Variants in SIDT1 observed in about 807,000 individuals in gnomAD.
SIDT1 encodes the protein SID1 transmembrane family, member 1.
SIDT1 carries 101 observed loss-of-function variants against 107.5 expected under a neutral mutation model. The ratio of observed to expected loss-of-function variants is 0.94; its 90% confidence interval spans 0.80 to 1.11. The LOEUF is 1.11. SIDT1 is among the 50% of genes least tolerant of loss of function. The pLI, the probability that SIDT1 is intolerant of heterozygous loss-of-function variation, is 0.00. For missense variants in SIDT1, 1,076 were observed against 1,058.2 expected, an observed-to-expected ratio of 1.02 and a Z score of -0.23; for synonymous variants, 395 against 398.2, an observed-to-expected ratio of 0.99 and a Z score of 0.10.
At chr3:113,593,199 C>G (rs1576886526) in intron 10 of SIDT1, 151 bp downstream of exon 10, 2 of 744,410 alleles carry the variant, frequency 2.7e-6, no homozygotes, top group East Asian at 5.3e-5. Flanking sequence ...AGTTGGAAAG[C>G]AAAGCTAGTG....
chr3:113,566,668 G>A (rs1000339519), intron 2 of SIDT1, 127 bp downstream of exon 2: 12 of 1,054,764 alleles, frequency 1.1e-5, no homozygotes, highest in East Asian at 7.3e-5. Context: ...TTCTGCATAC[G>A]GGGTGCAAAT....
intron 1 of SIDT1, among the ~76,000 whole-genome samples, chr3:113,547,877 A>C (rs1939776248): frequency 6.6e-6 from 1 of 152,114 alleles, no homozygotes; most frequent in Admixed American, 6.5e-5. Flanking sequence ...ATTAATAGTA[A>C]AGTATGATTA....
At chr3:113,536,126 G>T (rs905252150) in intron 1 of SIDT1, among the ~76,000 whole-genome samples, 1 of 152,158 alleles carries the variant, frequency 6.6e-6, no homozygotes, top group East Asian at 1.9e-4. Context: ...AGATAGCGAC[G>T]CTCTCTTTCA....
Position 113,608,082 on chromosome 3 carries a change from T to C in SIDT1, c.1479-12T>C. ...TCTTGACTCTCTCATGGTCTCTCAC[T>C]CATCCCTGTAGTGCCTTCAACAACA... is the stretch of plus-strand genomic sequence containing the variant. On this transcript the variant is annotated splice_polypyrimidine_tract_variant and intron_variant, in intron 15 of 24. Coordinates refer to ENST00000264852, the MANE Select transcript of SIDT1 (RefSeq NM_017699.3). 1 of 1,574,038 alleles carries C rather than the reference T, an allele frequency of 6.4e-7. No homozygotes were observed. Among genetic ancestry groups the C allele is most frequent in the Non-Finnish European group, 8.6e-7 (1 of 1,162,164 alleles).
At chr3:113,603,496 T>C (rs969648608) in intron 12 of SIDT1, among the ~76,000 whole-genome samples, 6 of 152,202 alleles carry the variant, frequency 3.9e-5, no homozygotes, top group Non-Finnish European at 7.3e-5. Flanking sequence ...TCTGTGCATA[T>C]CATCTTTCAA....
intron 4 of SIDT1, among the ~76,000 whole-genome samples, chr3:113,578,991 C>T (rs979727204): frequency 3.3e-5 from 5 of 152,278 alleles, no homozygotes; most frequent in Non-Finnish European, 7.4e-5. Context: ...TCATTTTCAC[C>T]TATATTTTGT....
chr3:113,555,639 A>G lies in SIDT1; in HGVS notation c.223-10781A>G, dbSNP rs180890713. Among the ~76,000 whole-genome samples the G allele has an allele frequency of 2.0e-5, 3 of 152,340 alleles. No individual in the cohort carries two copies. In the East Asian group the frequency reaches 5.8e-4, roughly 29 times the overall value. Reference sequence around the variant, plus strand: ...TATTTATTCTAGTTTATTGTTGGGCATAATGAAATTGGCTAGATGAGGTCT... The same window carrying G: ...TATTTATTCTAGTTTATTGTTGGGCGTAATGAAATTGGCTAGATGAGGTCT... On this transcript the variant is annotated intron_variant, in intron 1 of 24. Transcript: ENST00000264852.
At chr3:113,607,860 G>A (rs774675375) in intron 15 of SIDT1, among the ~76,000 whole-genome samples, 15 of 152,174 alleles carry the variant, frequency 9.9e-5, no homozygotes, top group Non-Finnish European at 1.8e-4. Context: ...GTGTTAGGAA[G>A]CCAAGCAGGC....
At chr3:113,562,040 T>C (rs960026288) in intron 1 of SIDT1, among the ~76,000 whole-genome samples, 2 of 152,186 alleles carry the variant, frequency 1.3e-5, no homozygotes, top group African/African-American at 4.8e-5. Context: ...TGAGTCTGCT[T>C]CTAAGCTAAT....
At chr3:113,558,218 G>A (rs766549698) in intron 1 of SIDT1, among the ~76,000 whole-genome samples, 3 of 152,332 alleles carry the variant, frequency 2.0e-5, no homozygotes, top group Non-Finnish European at 4.4e-5. Context: ...ACAAAGGCCA[G>A]CACATCATGG....
chr3:113,586,673 C>G (rs1355904556), intron 9 of SIDT1, among the ~76,000 whole-genome samples: 7 of 152,106 alleles, frequency 4.6e-5, no homozygotes, highest in African/African-American at 1.7e-4. Flanking sequence ...AGAAATCAAA[C>G]ATATTGACCG....
At chr3:113,577,106 C>T (rs757874393) in intron 4 of SIDT1, 139 bp downstream of exon 4, 9 of 786,068 alleles carry the variant, frequency 1.1e-5, no homozygotes, top group East Asian at 2.5e-5. Context: ...ATTTGTATTC[C>T]ACTTTATTCC....
chr3:113,580,882 A>T (rs1325465007), intron 5 of SIDT1, among the ~76,000 whole-genome samples, 173 bp downstream of exon 5: 3 of 152,234 alleles, frequency 2.0e-5, no homozygotes, highest in Non-Finnish European at 4.4e-5. Context: ...GTTTGCAGAC[A>T]CTAATTTGGA....
chr3:113,610,344 C>A (rs1945644714), intron 17 of SIDT1, among the ~76,000 whole-genome samples: 1 of 152,204 alleles, frequency 6.6e-6, no homozygotes, highest in African/African-American at 2.4e-5. Flanking sequence ...CATTAATTCC[C>A]ATTCCCAATA....
At position 113,611,087 on chromosome 3, in the gene SIDT1, C is replaced by T. The variant is rs145430934; in HGVS notation, c.1800C>T (p.Ser600=). 5.0e-5 allele frequency: 80 copies of T among 1,614,152 alleles called. No individual in the cohort carries two copies. The East Asian group carries it at 1.4e-3, about 28-fold the overall frequency. The change falls in exon 18 of 25, where the codon AGC becomes AGT. Residue 600 remains serine (S), a synonymous_variant. Transcript: ENST00000264852. Reference sequence around the variant, plus strand: ...CCCGCCACCCAGACATCAATGCCAGCGCCTACTCTGCCTATGCCTCCTTTG... The same window carrying T: ...CCCGCCACCCAGACATCAATGCCAGTGCCTACTCTGCCTATGCCTCCTTTG... The part of the protein sequence containing the change: ...YQTRHPDINA[S]AYSAYASFAV...
chr3:113,632,563 C>T (rs985027587), downstream of SIDT1: 1 of 152,132 alleles, frequency 6.6e-6, no homozygotes, highest in Non-Finnish European at 1.5e-5. Flanking sequence ...GGTGCATTTC[C>T]CCTTTATCCT....
intron 10 of SIDT1, among the ~76,000 whole-genome samples, chr3:113,595,344 T>C (rs1221145605): frequency 6.6e-6 from 1 of 151,980 alleles, no homozygotes; most frequent in Non-Finnish European, 1.5e-5. Flanking sequence ...AGGCCGAGGT[T>C]GGAGGATTGT....
intron 9 of SIDT1, among the ~76,000 whole-genome samples, chr3:113,591,101 G>A (rs918229664): frequency 2.0e-5 from 3 of 152,212 alleles, no homozygotes; most frequent in Non-Finnish European, 4.4e-5. Flanking sequence ...AGGTTGGAAT[G>A]ATATACTTTG....
At chr3:113,622,759 A>G (rs1053438284) in intron 21 of SIDT1, among the ~76,000 whole-genome samples, 9 of 152,228 alleles carry the variant, frequency 5.9e-5, no homozygotes, top group African/African-American at 2.2e-4. Context: ...GTTTCTTATA[A>G]TAGTGAAAAA....
Sources: allele counts gnomAD v4.1 joint callset (sites outside exome capture counted in the v4.1 genomes callset), GRCh38; gene constraint gnomAD v4.1.1; transcripts MANE v1.5; gene names NCBI Gene and HGNC (gene_info 2026-07-23, HGNC 2026-07-21).